Variants in FSTL1 observed in about 807,000 individuals in gnomAD.
The protein encoded by FSTL1 is follistatin like 1.
FSTL1 carries 24 observed loss-of-function variants against 45.9 expected under a neutral mutation model. That is an observed-to-expected ratio of 0.52 (90% confidence interval 0.38 to 0.74). The LOEUF (loss-of-function observed/expected upper bound fraction) is 0.74, where lower values mean the gene tolerates loss of function less well. FSTL1 is among the 30% of genes least tolerant of loss of function. The probability of loss-of-function intolerance (pLI) is 0.00; values close to 1 mark genes in which losing one functional copy is unlikely to be tolerated. For missense variants in FSTL1, 340 were observed against 381.8 expected (o/e 0.89, Z 0.91); for synonymous variants, 120 against 137.6 (o/e 0.87, Z 0.89).
rs960385546 is a variant in FSTL1, at chr3:120,411,876, A to C, written c.276T>G (p.Val92=). 14 of 1,614,018 alleles carry C rather than the reference A, an allele frequency of 8.7e-6. No homozygotes were observed. Among genetic ancestry groups the C allele is most frequent in the African/African-American group, 1.3e-5 (1 of 74,944 alleles). The change falls in exon 4 of 11, where the codon GTT becomes GTG. Residue 92 remains valine (V), a synonymous_variant. Transcript: ENST00000295633. ...DACLTGSKIQ[V]DYDGHCKEKK... ...TACCTTTGCAGTGTCCATCGTAATC[A>C]ACCTGGATTTTGGATCCAGTGAGGC...
At chr3:120,401,444 T>C (rs949551059) in intron 9 of FSTL1, among the ~76,000 whole-genome samples, 1 of 152,176 alleles carries the variant, frequency 6.6e-6, no homozygotes, top group South Asian at 2.1e-4. Flanking sequence ...ACTGTTGCTG[T>C]TCTCTAGGAT....
Position 120,409,567 on chromosome 3 carries a change from T to G in FSTL1, c.427A>C (p.Ser143Arg). ...TTGTCTAGGATTTCACTGTAGTTGC[T>G]GCCTTTAGAGAACCAGCCATCTGGA... ...IIPDGWFSKG[S>R]NYSEILDKYF... Residue 143 changes from serine (S) to arginine (R), a missense_variant, in exon 6 of 11, where the codon AGC becomes CGC. By Grantham distance (110) the Ser-to-Arg change is moderately radical (BLOSUM62 -1). Coordinates refer to ENST00000295633, the MANE Select transcript of FSTL1 (RefSeq NM_007085.5). The G allele has an allele frequency of 6.2e-7, 1 of 1,614,016 alleles. No homozygotes were observed. The highest frequency in any genetic ancestry group is 1.1e-5 in the South Asian group (1 of 91,070).
Position 120,394,218 on chromosome 3 carries a change from T to A in FSTL1, c.*2734A>T, listed in dbSNP as rs1204557907. 6.6e-6 allele frequency: 1 copy of A among 152,134 alleles called. No homozygotes were observed. 9.4% of individuals were successfully genotyped at this position (152,134 alleles called of 1,614,324 possible). On this transcript the variant is annotated 3_prime_UTR_variant, in exon 11 of 11. Coordinates refer to ENST00000295633, the MANE Select transcript of FSTL1 (RefSeq NM_007085.5). ...CTCAAATCCACTCTTAGGAAGTAAA[T>A]GGGTAATGTTCTCACGACTTTATTT...
chr3:120,431,191 TG>T (rs1234953471), intron 2 of FSTL1, among the ~76,000 whole-genome samples: 2 of 152,116 alleles, frequency 1.3e-5, no homozygotes, highest in Non-Finnish European at 2.9e-5. Flanking sequence ...AGGCTGTTCT[TG>T]AACTCCGGAC....
chr3:120,414,615 C>T (rs903462152), intron 3 of FSTL1, among the ~76,000 whole-genome samples: 1 of 152,072 alleles, frequency 6.6e-6, no homozygotes, highest in African/African-American at 2.4e-5. Context: ...AAGAAGTAGA[C>T]ATGGGAGACT....
intron 2 of FSTL1, among the ~76,000 whole-genome samples, chr3:120,435,254 T>A (rs1937530485): frequency 6.6e-6 from 1 of 152,106 alleles, no homozygotes. Context: ...CAGTGATATA[T>A]CTTTTCTGAT....
chr3:120,402,878 C>T lies in FSTL1; in HGVS notation c.735G>A (p.Glu245=), dbSNP rs1936853641. The T allele has an allele frequency of 6.2e-7, 1 of 1,613,698 alleles. No individual in the cohort carries two copies. The highest frequency in any genetic ancestry group is 8.5e-7 in the Non-Finnish European group (1 of 1,179,628). ...LEDETYADGA[E]TEVDCNRCVC... ...CACAGCGGTTACAGTCCACCTCGGT[C>T]TCAGCTCCATCTGCATACGTTTCAT... is the stretch of plus-strand genomic sequence containing the variant. The change falls in exon 9 of 11, where the codon GAG becomes GAA. Residue 245 remains glutamate, a synonymous_variant. Transcript: ENST00000295633.
intron 3 of FSTL1, 154 bp downstream of exon 3, chr3:120,415,769 G>T: frequency 6.0e-6 from 3 of 501,588 alleles, no homozygotes; most frequent in South Asian, 4.1e-5. Context: ...TTAAAAATCA[G>T]GAATCTGGAA....
intron 2 of FSTL1, among the ~76,000 whole-genome samples, chr3:120,439,120 C>A (rs1048634203): frequency 6.6e-6 from 1 of 152,138 alleles, no homozygotes; most frequent in Non-Finnish European, 1.5e-5. Flanking sequence ...AGCGGAGAGG[C>A]GTGCAGGGAG....
chr3:120,435,818 C>A (rs1406929115), intron 2 of FSTL1, among the ~76,000 whole-genome samples: 3 of 152,146 alleles, frequency 2.0e-5, no homozygotes, highest in African/African-American at 7.2e-5. Context: ...GGAAAATAAC[C>A]CAATCAACCA....
At chr3:120,437,038 T>C (rs1576226100) in intron 2 of FSTL1, among the ~76,000 whole-genome samples, 1 of 152,182 alleles carries the variant, frequency 6.6e-6, no homozygotes, top group Non-Finnish European at 1.5e-5. Context: ...GTTTCAATAG[T>C]GTTTAGCCTC....
chr3:120,417,550 G>A (rs1937208185), intron 2 of FSTL1, among the ~76,000 whole-genome samples: 1 of 152,202 alleles, frequency 6.6e-6, no homozygotes, highest in South Asian at 2.1e-4. Flanking sequence ...GGAAGAAAGA[G>A]GAAGTAATTC....
intron 2 of FSTL1, among the ~76,000 whole-genome samples, chr3:120,437,157 TTTC>T (rs1184419369): frequency 3.3e-5 from 5 of 152,184 alleles, no homozygotes; most frequent in African/African-American, 1.2e-4. Flanking sequence ...TCCCGTCCAT[TTTC>T]TTTTTCTCTG....
chr3:120,405,165 GA>G (rs1307325194), intron 6 of FSTL1, among the ~76,000 whole-genome samples, 194 bp from the exon 7 acceptor site: 6 of 152,174 alleles, frequency 3.9e-5, no homozygotes, highest in Non-Finnish European at 5.9e-5. Context: ...CCCACAATGA[GA>G]GAGGAAAAGT....
chr3:120,416,537 C>A (rs2107658243), intron 2 of FSTL1, among the ~76,000 whole-genome samples: 1 of 152,280 alleles, frequency 6.6e-6, no homozygotes, highest in African/African-American at 2.4e-5. Context: ...TAGGTCTTAA[C>A]TGATTCTTAA....
chr3:120,411,907 T>C lies in FSTL1; in HGVS notation c.245A>G (p.Asp82Gly). The stretch of plus-strand genomic sequence containing the variant: ...GATTTTGGATCCAGTGAGGCAGGCA[T>C]CTCGATGCAGTTCACAGTGGTTGAG... ...TYLNHCELHRDACLTGSKIQV... is the reference protein window; with the variant it reads ...TYLNHCELHRGACLTGSKIQV... The change falls in exon 4 of 11, where the codon GAT becomes GGT. Residue 82 changes from aspartate (D) to glycine (G), a missense_variant. Physicochemically the swap from Asp to Gly is moderately conservative, Grantham distance 94. Transcript: ENST00000295633. 1 of 1,613,756 alleles carries C rather than the reference T, an allele frequency of 6.2e-7. No homozygotes were observed. Among genetic ancestry groups the C allele is most frequent in the Non-Finnish European group, 8.5e-7 (1 of 1,179,616 alleles).
intron 2 of FSTL1, among the ~76,000 whole-genome samples, chr3:120,448,120 T>G (rs1937799204): frequency 6.6e-6 from 1 of 152,266 alleles, no homozygotes; most frequent in African/African-American, 2.4e-5. Flanking sequence ...GTAAAGTGAT[T>G]AAATTGTTTA....
rs187457237 is a variant in FSTL1, at chr3:120,436,552, T to C, written c.63+14132A>G. ...CCAATTAATGCATAAAGTGAATGTC[T>C]TTCTCCTTAAAATAAATAGCTAAAC... On this transcript the variant is annotated intron_variant, in intron 2 of 10. Transcript: ENST00000295633. Among the ~76,000 whole-genome samples, 365 of 152,352 alleles carry C rather than the reference T, an allele frequency of 2.4e-3. 5 individuals are homozygous for C. Among genetic ancestry groups the C allele is most frequent in the African/African-American group, 8.5e-3 (352 of 41,582 alleles).
Position 120,399,935 on chromosome 3 carries a change from G to A in FSTL1, c.830C>T (p.Thr277Ile). The change falls in exon 10 of 11, where the codon ACC (threonine) becomes ATC (isoleucine). Residue 277 changes from threonine (T) to isoleucine (I), a missense_variant. Transcript: ENST00000295633. Reference sequence around the variant, plus strand: ...TCTGGTCATCTCCTCCTCTGTCTGGGTCTGGGCCCCCTTCTGATTCTTTCC... The same window carrying A: ...TCTGGTCATCTCCTCCTCTGTCTGGATCTGGGCCCCCTTCTGATTCTTTCC... ...CDGKNQKGAQTQTEEEMTRYV... is the reference protein window; with the variant it reads ...CDGKNQKGAQIQTEEEMTRYV... 1 of 1,609,242 alleles carries A rather than the reference G, an allele frequency of 6.2e-7. No homozygotes were observed. Among genetic ancestry groups the A allele is most frequent in the Non-Finnish European group, 8.5e-7 (1 of 1,177,608 alleles).
Sources: allele counts gnomAD v4.1 joint callset (sites outside exome capture counted in the v4.1 genomes callset), GRCh38; gene constraint gnomAD v4.1.1; transcripts MANE v1.5; gene names NCBI Gene and HGNC (gene_info 2026-07-23, HGNC 2026-07-21).